The following IGFALS variants were observed in gnomAD, a reference collection of about 807,000 sequenced individuals.
The protein encoded by IGFALS is insulin like growth factor binding protein acid labile subunit.
IGFALS carries 2 observed loss-of-function variants against 2.6 expected under a neutral mutation model. That is an observed-to-expected ratio of 0.77 (90% CI 0.32 to 2.44). The LOEUF is 2.44. Among genes scored for constraint, IGFALS ranks in the 30% most tolerant of loss-of-function variants. The pLI, the probability that IGFALS is intolerant of heterozygous loss-of-function variation, is 0.11. For missense variants in IGFALS, 996 were observed against 848.7 expected (o/e 1.17, Z -2.16); for synonymous variants, 519 against 431.9 (o/e 1.20, Z -2.50).
chr16:1,791,622 T>G lies in IGFALS; in HGVS notation c.796A>C (p.Lys266Gln). 1 of 1,572,394 alleles carries G rather than the reference T, an allele frequency of 6.4e-7. No homozygotes were observed. Among genetic ancestry groups the G allele is most frequent in the Non-Finnish European group, 8.6e-7 (1 of 1,160,962 alleles). The change falls in exon 2 of 2, where the codon AAG becomes CAG. Residue 266 changes from lysine (K) to glutamine (Q), a missense_variant. Lys to Gln is a moderately conservative substitution (Grantham distance 53, BLOSUM62 1). Transcript: ENST00000215539. ...GACAGGTCCAGCCATCGCAGCGCCTTCAGGCCCAGGAAGGCGCCCGGGGCC... is the reference window on the plus strand; with the variant it reads ...GACAGGTCCAGCCATCGCAGCGCCTGCAGGCCCAGGAAGGCGCCCGGGGCC... ...AVAPGAFLGL[K>Q]ALRWLDLSHN...
At chr16:1,792,458 T>G in intron 1 of IGFALS, 57 bp from the exon 2 acceptor site, 1 of 1,488,392 alleles carries the variant, frequency 6.7e-7, no homozygotes, top group Non-Finnish European at 8.9e-7. Flanking sequence ...CGAGTGAGCC[T>G]GATACCAGCA....
At position 1,790,588 on chromosome 16, in the gene IGFALS, C is replaced by G. The variant is rs1897194393; in HGVS notation, c.*12G>C. ...GGGGGCCTGAGTCCGGGGCTTGAGT[C>G]CGGGGACCTGGTCAGCAGGGAGCAA... On this transcript the variant is annotated 3_prime_UTR_variant, in exon 2 of 2. Transcript: ENST00000215539. 1.3e-6 allele frequency: 2 copies of G among 1,557,504 alleles called. No homozygotes were observed. Among genetic ancestry groups the G allele is most frequent in the Non-Finnish European group, 1.7e-6 (2 of 1,151,268 alleles).
rs202078372 is a variant in IGFALS, at chr16:1,791,063, C to T, written c.1355G>A (p.Arg452His). 130 of 1,598,408 alleles carry T rather than the reference C, an allele frequency of 8.1e-5. No homozygotes were observed. The highest frequency in any genetic ancestry group is 9.9e-5 in the Non-Finnish European group (117 of 1,179,680). ...CAGCTTGCCCAGGCCCTGGAAGAGG[C>T]GGTGGGGCAGGTGCGTGAGCTGGTT... The part of the protein sequence containing the change: ...TSNQLTHLPH[R>H]LFQGLGKLEY... The change falls in exon 2 of 2, where the codon CGC (arginine) becomes CAC (histidine). Residue 452 changes from arginine (R) to histidine (H), a missense_variant. Arg to His is a conservative substitution (Grantham distance 29). Coordinates refer to ENST00000215539, the MANE Select transcript of IGFALS (RefSeq NM_004970.3).
Position 1,790,949 on chromosome 16 carries a change from G to A in IGFALS, c.1469C>T (p.Ser490Leu), listed in dbSNP as rs767680008. 7 of 1,595,418 alleles carry A rather than the reference G, an allele frequency of 4.4e-6. No individual in the cohort carries two copies. The South Asian group carries it at 4.4e-5, about 10-fold the overall frequency. Residue 490 changes from serine to leucine, a missense_variant, in exon 2 of 2, where the codon TCG becomes TTG. Ser to Leu is a moderately radical substitution (Grantham distance 145). Coordinates refer to ENST00000215539, the MANE Select transcript of IGFALS (RefSeq NM_004970.3). ...GGGCAATGCCTCCAGGCGGTTGTGC[G>A]AGACGTCCAGCCAGAAGGCCCGCTG... ...PLQRAFWLDVSHNRLEALPNS... is the reference protein window; with the variant it reads ...PLQRAFWLDVLHNRLEALPNS...
rs550391642 is a variant in IGFALS at position 1,792,284 on chromosome 16, C to T, written c.134G>A (p.Cys45Tyr). The change falls in exon 2 of 2, where the codon TGT (cysteine) becomes TAT (tyrosine). Residue 45 changes from cysteine (C) to tyrosine (Y), a missense_variant. Cys to Tyr is a radical substitution (Grantham distance 194, BLOSUM62 -2). Coordinates refer to ENST00000215539, the MANE Select transcript of IGFALS (RefSeq NM_004970.3). ...EAEGPACPAACVCSYDDDADE... is the reference protein window; with the variant it reads ...EAEGPACPAAYVCSYDDDADE... ...CGCGTCGTCATCGTAGCTGCAGACA[C>T]AGGCGGCCGGGCACGCTGGGCCCTC... The T allele has an allele frequency of 1.9e-6, 3 of 1,599,892 alleles. No individual in the cohort carries two copies. The highest frequency in any genetic ancestry group is 2.7e-5 in the African/African-American group (2 of 75,054).
Position 1,790,949 on chromosome 16 carries a change from G to C in IGFALS, c.1469C>G (p.Ser490Trp). Reference sequence around the variant, plus strand: ...GGGCAATGCCTCCAGGCGGTTGTGCGAGACGTCCAGCCAGAAGGCCCGCTG... The same window carrying C: ...GGGCAATGCCTCCAGGCGGTTGTGCCAGACGTCCAGCCAGAAGGCCCGCTG... ...PLQRAFWLDV[S>W]HNRLEALPNS... The change falls in exon 2 of 2, where the codon TCG becomes TGG. Residue 490 changes from serine to tryptophan, a missense_variant. Coordinates refer to ENST00000215539, the MANE Select transcript of IGFALS (RefSeq NM_004970.3). The C allele has an allele frequency of 1.1e-5, 18 of 1,595,418 alleles. No individual in the cohort carries two copies. Among genetic ancestry groups the C allele is most frequent in the Non-Finnish European group, 1.5e-5 (18 of 1,178,252 alleles).
rs753926386 is a variant in IGFALS, at chr16:1,793,623, C to T, written c.16+14G>A. On this transcript the variant is annotated intron_variant, in intron 1 of 1. Transcript: ENST00000215539. Reference sequence around the variant, plus strand: ...CACCCCTAGAGTGGGTGGCGGGGCACTCGGGGGCCTCACCTTTCCTCAGGG... The same window carrying T: ...CACCCCTAGAGTGGGTGGCGGGGCATTCGGGGGCCTCACCTTTCCTCAGGG... 6.3e-6 allele frequency: 10 copies of T among 1,594,496 alleles called. No individual in the cohort carries two copies. The African/African-American group carries it at 6.7e-5, about 11-fold the overall frequency.
In IGFALS at chr16:1,791,032, G is replaced by A. The variant is rs17559; in HGVS notation, c.1386C>T (p.Tyr462=). The part of the protein sequence containing the change: ...RLFQGLGKLE[Y]LLLSRNRLAE... ...CCAGGCGGTTGCGGGAGAGCAGCAG[G>A]TACTCCAGCTTGCCCAGGCCCTGGA... The change falls in exon 2 of 2, where the codon TAC becomes TAT. Residue 462 remains tyrosine, a synonymous_variant. Coordinates refer to ENST00000215539, the MANE Select transcript of IGFALS (RefSeq NM_004970.3). 205,476 of 1,598,232 alleles carry A rather than the reference G, an allele frequency of 0.13. 19,780 individuals carry two copies. The highest frequency in any genetic ancestry group is 0.45 in the African/African-American group (33,667 of 74,974).
upstream of IGFALS, chr16:1,793,848 C>G (rs1897283440): frequency 3.8e-6 from 2 of 526,568 alleles, no homozygotes; most frequent in Middle Eastern, 5.1e-4. Flanking sequence ...GGGGTGCAGA[C>G]AGTGCAGGGG....
In IGFALS at chr16:1,790,920, T is replaced by C. The variant is rs1045610006; in HGVS notation, c.1498A>G (p.Ser500Gly). ...SHNRLEALPN[S>G]LLAPLGRLRY... ...AGCCGCCCCAGTGGTGCCAAGAGGC[T>C]GTTGGGCAATGCCTCCAGGCGGTTG... Residue 500 changes from serine (S) to glycine (G), a missense_variant, in exon 2 of 2, where the codon AGC becomes GGC. Transcript: ENST00000215539. 2 of 1,590,934 alleles carry C rather than the reference T, an allele frequency of 1.3e-6. No homozygotes were observed. The highest frequency in any genetic ancestry group is 1.7e-6 in the Non-Finnish European group (2 of 1,175,066).
At chr16:1,793,421 G>C (rs1471713959) in intron 1 of IGFALS, among the ~76,000 whole-genome samples, 3 of 152,086 alleles carry the variant, frequency 2.0e-5, no homozygotes, top group Admixed American at 2.0e-4. Flanking sequence ...TAGGGTGGAG[G>C]ACGGGACAGA....
chr16:1,794,035 G>C (rs1596891280), upstream of IGFALS, among the ~76,000 whole-genome samples: 1 of 152,240 alleles, frequency 6.6e-6, no homozygotes, highest in South Asian at 2.1e-4. Context: ...GGGAGCCCAG[G>C]GTTTTACCAG....
At position 1,792,483 on chromosome 16, in the gene IGFALS, G is replaced by A. The variant is rs779930764; in HGVS notation, c.17-82C>T. 7 of 1,454,690 alleles carry A rather than the reference G, an allele frequency of 4.8e-6. No individual in the cohort carries two copies. The Admixed American group carries it at 1.0e-4, about 21-fold the overall frequency. The allele number at this position is 1,454,690 out of a possible 1,614,324, so 90.1% of individuals were successfully genotyped here. On this transcript the variant is annotated intron_variant, in intron 1 of 1. Coordinates refer to ENST00000215539, the MANE Select transcript of IGFALS (RefSeq NM_004970.3). Reference sequence around the variant, plus strand: ...TGATACCAGCACAGCCGGAAGCGGCGCTCAGGTGTGAACTGAGGCTCGAGG... The same window carrying A: ...TGATACCAGCACAGCCGGAAGCGGCACTCAGGTGTGAACTGAGGCTCGAGG...
At chr16:1,792,535 G>A (rs960288798) in intron 1 of IGFALS, 134 bp from the exon 2 acceptor site, 1 of 1,425,358 alleles carries the variant, frequency 7.0e-7, no homozygotes, top group Non-Finnish European at 9.2e-7. Context: ...GAAGAAGCCG[G>A]TGAGCCCCAC....
chr16:1,791,881 C>T lies in IGFALS; in HGVS notation c.537G>A (p.Trp179Ter). 6.4e-7 allele frequency: 1 copy of T among 1,564,490 alleles called. No homozygotes were observed. The highest frequency in any genetic ancestry group is 8.7e-7 in the Non-Finnish European group (1 of 1,155,634). The change falls in exon 2 of 2, where the codon TGG becomes TGA. Residue 179 changes from tryptophan to a stop codon, truncating the protein, a stop_gained. Coordinates refer to ENST00000215539, the MANE Select transcript of IGFALS (RefSeq NM_004970.3). LOFTEE classifies it low-confidence loss of function (END_TRUNC). ...CATCGGGGAGCACCGCCAGGCTATT[C>T]CAGCCGAGGTTGAGGTCCCAGAGGC... ...LGSLWDLNLG[W>*]NSLAVLPDAA...
upstream of IGFALS, among the ~76,000 whole-genome samples, chr16:1,794,261 T>C (rs983938652): frequency 6.6e-6 from 1 of 152,162 alleles, no homozygotes; most frequent in Non-Finnish European, 1.5e-5. Flanking sequence ...AAGCTCACCC[T>C]GCCTCTCCCG....
chr16:1,791,050 G>C lies in IGFALS; in HGVS notation c.1368C>G (p.Gly456=). The C allele has an allele frequency of 6.3e-7, 1 of 1,598,624 alleles. No homozygotes were observed. The highest frequency in any genetic ancestry group is 8.5e-7 in the Non-Finnish European group (1 of 1,179,806). ...GCAGCAGGTACTCCAGCTTGCCCAG[G>C]CCCTGGAAGAGGCGGTGGGGCAGGT... The part of the protein sequence containing the change: ...LTHLPHRLFQ[G]LGKLEYLLLS... The change falls in exon 2 of 2, where the codon GGC becomes GGG. Residue 456 remains glycine (G), a synonymous_variant. Transcript: ENST00000215539.
In IGFALS at chr16:1,791,788, C is replaced by A; in HGVS notation, c.630G>T (p.Gln210His). 2 of 1,548,808 alleles carry A rather than the reference C, an allele frequency of 1.3e-6. No homozygotes were observed. The highest frequency in any genetic ancestry group is 1.7e-6 in the Non-Finnish European group (2 of 1,150,166). Residue 210 changes from glutamine to histidine, a missense_variant, in exon 2 of 2, where the codon CAG (glutamine) becomes CAT (histidine). Physicochemically the swap from Gln to His is conservative, Grantham distance 24. Coordinates refer to ENST00000215539, the MANE Select transcript of IGFALS (RefSeq NM_004970.3). ...CGGCCAGGCCGCTGAAGAGCGCGGG[C>A]TGCAGGTAGGCCAGCCTGTTGCCCG... ...VLAGNRLAYL[Q>H]PALFSGLAEL...
In IGFALS at chr16:1,792,325, T is replaced by C. The variant is rs1475170339; in HGVS notation, c.93A>G (p.Gly31=). The C allele has an allele frequency of 2.5e-6, 4 of 1,596,100 alleles. No homozygotes were observed. The highest frequency in any genetic ancestry group is 3.4e-6 in the Non-Finnish European group (4 of 1,177,998). Residue 31 remains glycine (G), a synonymous_variant, in exon 2 of 2, where the codon GGA becomes GGG. Transcript: ENST00000215539. ...CTGGGCCCTCGGCTTCCCCCGGCGT[T>C]CCGGGGTCTGCTCCCTCCAGGCTGC... ...GPRSLEGADP[G]TPGEAEGPAC...
Sources: gnomAD v4.1 joint callset for allele counts (sites outside exome capture counted in the v4.1 genomes callset) on GRCh38, gnomAD v4.1.1 for gene constraint, MANE v1.5 for transcripts, NCBI Gene and HGNC (gene_info 2026-07-23, HGNC 2026-07-21) for gene names.